The following PBX3 variants were observed in gnomAD, a reference collection of about 807,000 sequenced individuals.
PBX3 encodes PBX homeobox 3.
A neutral mutation model predicts 48.5 loss-of-function variants in PBX3; 14 were observed. The observed-to-expected ratio is 0.29, with a 90% CI of 0.19 to 0.45. The LOEUF (loss-of-function observed/expected upper bound fraction) is 0.45, where lower values mean the gene tolerates loss of function less well. PBX3 is among the 20% of genes least tolerant of loss of function. PBX3 has a pLI of 1.00. For synonymous variants in PBX3, 210 were observed against 200.3 expected (o/e 1.05, Z -0.41); for missense variants, 386 against 546.7 (o/e 0.71, Z 2.93).
intron 4 of PBX3, among the ~76,000 whole-genome samples, chr9:125,935,106 AG>A (rs1160329575): frequency 6.6e-6 from 1 of 152,074 alleles, no homozygotes; most frequent in Non-Finnish European, 1.5e-5. Context: ...CTAACCCTTT[AG>A]ACAAGATATT....
At chr9:125,896,551 A>G (rs1290996231) in intron 2 of PBX3, among the ~76,000 whole-genome samples, 1 of 150,542 alleles carries the variant, frequency 6.6e-6, no homozygotes, top group Non-Finnish European at 1.5e-5. Context: ...ATTTAGAAAC[A>G]AAGGAACTGA....
chr9:125,822,361 C>T (rs1838677296), intron 2 of PBX3, among the ~76,000 whole-genome samples: 1 of 152,124 alleles, frequency 6.6e-6, no homozygotes, highest in South Asian at 2.1e-4. Flanking sequence ...AATGCTCTTA[C>T]ACGTAGCCAT....
intron 2 of PBX3, among the ~76,000 whole-genome samples, chr9:125,781,577 G>GGGAGA (rs1359667843): frequency 1.4e-5 from 2 of 144,160 alleles, no homozygotes; most frequent in Admixed American, 1.6e-4. Context: ...AGAGGGGAGA[G>GGGAGA]GGGAGAGGCG....
chr9:125,926,070 T>C (rs1841567724), intron 3 of PBX3, among the ~76,000 whole-genome samples: 1 of 152,258 alleles, frequency 6.6e-6, no homozygotes, highest in African/African-American at 2.4e-5. Flanking sequence ...ATTATCTTTG[T>C]TTTACTGATG....
intron 2 of PBX3, among the ~76,000 whole-genome samples, chr9:125,798,494 T>G (rs1034702737): frequency 8.9e-6 from 1 of 112,618 alleles, no homozygotes; most frequent in Non-Finnish European, 1.8e-5. Flanking sequence ...CCACCTCCCA[T>G]TTCTTAAAAA....
At chr9:125,948,523 A>T (rs1028104131) in intron 5 of PBX3, among the ~76,000 whole-genome samples, 1 of 152,218 alleles carries the variant, frequency 6.6e-6, no homozygotes, top group African/African-American at 2.4e-5. Context: ...AGAAATCACA[A>T]TAGAAATTAG....
chr9:125,948,557 C>T (rs1403375166), intron 5 of PBX3, among the ~76,000 whole-genome samples: 2 of 151,818 alleles, frequency 1.3e-5, no homozygotes. Flanking sequence ...GACAGTGAAA[C>T]GATAACATAC....
At chr9:125,896,938 C>G (rs1337026656) in intron 2 of PBX3, among the ~76,000 whole-genome samples, 1 of 151,830 alleles carries the variant, frequency 6.6e-6, no homozygotes, top group Non-Finnish European at 1.5e-5. Context: ...TTAACTGTTT[C>G]CTTTCCTGTT....
intron 8 of PBX3, among the ~76,000 whole-genome samples, chr9:125,963,797 G>A (rs1178102970): frequency 6.6e-6 from 1 of 152,030 alleles, no homozygotes; most frequent in African/African-American, 2.4e-5. Flanking sequence ...AGTAGACTCA[G>A]GAAGAAAATG....
At chr9:125,876,681 G>T (rs1035678163) in intron 2 of PBX3, among the ~76,000 whole-genome samples, 1 of 152,020 alleles carries the variant, frequency 6.6e-6, no homozygotes, top group African/African-American at 2.4e-5. Context: ...GGGAGTCAAA[G>T]TTATATTCAG....
intron 2 of PBX3, among the ~76,000 whole-genome samples, chr9:125,859,240 A>G (rs972791374): frequency 6.6e-6 from 1 of 152,194 alleles, no homozygotes; most frequent in African/African-American, 2.4e-5. Context: ...TGATTTTGCT[A>G]AAGTCGGTCT....
At chr9:125,936,000 A>C (rs1841828137) in intron 5 of PBX3, among the ~76,000 whole-genome samples, 1 of 152,200 alleles carries the variant, frequency 6.6e-6, no homozygotes, top group Non-Finnish European at 1.5e-5. Context: ...AAGGAAATTT[A>C]ATATAACTCT....
At chr9:125,847,593 TG>T (rs1377644148) in intron 2 of PBX3, among the ~76,000 whole-genome samples, 10 of 152,032 alleles carry the variant, frequency 6.6e-5, no homozygotes, top group African/African-American at 2.4e-4. Context: ...ACAAAAATAC[TG>T]AAAGAATAAA....
chr9:125,751,980 G>GA (rs1374710018), intron 2 of PBX3, among the ~76,000 whole-genome samples: 1 of 151,550 alleles, frequency 6.6e-6, no homozygotes, highest in South Asian at 2.1e-4. Context: ...TCTTTTTCAA[G>GA]AAAAAAATAT....
At chr9:125,890,902 T>G (rs1176377152) in intron 2 of PBX3, among the ~76,000 whole-genome samples, 10 of 152,356 alleles carry the variant, frequency 6.6e-5, no homozygotes, top group Admixed American at 5.2e-4. Context: ...AAGGATTGTG[T>G]GCACAGCATT....
rs1839503216 is a variant in PBX3 at position 125,848,915 on chromosome 9, A to G, written c.275-66771A>G. Among the ~76,000 whole-genome samples, 3 of 151,982 alleles carry G rather than the reference A, an allele frequency of 2.0e-5. No homozygotes were observed. In the East Asian group the frequency reaches 5.8e-4, roughly 29 times the overall value. On this transcript the variant is annotated intron_variant, in intron 2 of 8. Transcript: ENST00000373489. ...TAGAGTCAAGTATCTATTAGCTTTT[A>G]TATGGTTTTGTGCAATAGCTTGGTA...
At chr9:125,916,760 G>A (rs1316713168) in intron 3 of PBX3, among the ~76,000 whole-genome samples, 1 of 152,108 alleles carries the variant, frequency 6.6e-6, no homozygotes, top group African/African-American at 2.4e-5. Flanking sequence ...ATATATTTTA[G>A]TTGTTAGTTT....
At chr9:125,951,567 G>C (rs1842196743) in intron 5 of PBX3, among the ~76,000 whole-genome samples, 1 of 152,132 alleles carries the variant, frequency 6.6e-6, no homozygotes, top group Non-Finnish European at 1.5e-5. Context: ...TTGCTGATTT[G>C]TTTTAAGAAA....
intron 2 of PBX3, among the ~76,000 whole-genome samples, chr9:125,845,134 A>C (rs571303800): frequency 3.3e-5 from 5 of 152,070 alleles, no homozygotes; most frequent in African/African-American, 4.8e-5. Context: ...AGGGATTGCT[A>C]TGTCTCCGTA....
Sources: gnomAD v4.1 joint callset for allele counts (sites outside exome capture counted in the v4.1 genomes callset) on GRCh38, gnomAD v4.1.1 for gene constraint, MANE v1.5 for transcripts, NCBI Gene and HGNC (gene_info 2026-07-23, HGNC 2026-07-21) for gene names.